ATP2B4: variants seen among roughly 807,000 people sequenced by gnomAD.
ATP2B4 encodes the protein ATPase plasma membrane Ca2+ transporting 4, also known as plasma membrane calcium-transporting ATPase 4.
ATP2B4 carries 39 observed loss-of-function variants against 110.3 expected under a neutral mutation model. The ratio of observed to expected loss-of-function variants is 0.35; its 90% CI spans 0.27 to 0.46. The LOEUF is 0.46. Among genes scored for constraint, ATP2B4 ranks in the 20% least tolerant of loss-of-function variants. The pLI is 1.00. For missense variants in ATP2B4, 1,135 were observed against 1,530.9 expected, an observed-to-expected ratio of 0.74 and a Z score of 4.32; for synonymous variants, 538 against 571.7, an observed-to-expected ratio of 0.94 and a Z score of 0.84.
rs972484322 is a variant in ATP2B4 at position 203,647,084 on chromosome 1, A to G, written c.-465+19865A>G. On this transcript the variant is annotated intron_variant, in intron 1 of 20. Transcript: ENST00000357681. Reference sequence around the variant, plus strand: ...CACAAGTCAGCCCCAAACATAGTCCAGTGGAATCCAATGATAGCAGGCAAC... The same window carrying G: ...CACAAGTCAGCCCCAAACATAGTCCGGTGGAATCCAATGATAGCAGGCAAC... Among the ~76,000 whole-genome samples the G allele has an allele frequency of 3.0e-4, 45 of 151,932 alleles. 1 individual carries two copies. Among genetic ancestry groups the G allele is most frequent in the African/African-American group, 9.7e-4 (40 of 41,338 alleles).
intron 1 of ATP2B4, among the ~76,000 whole-genome samples, chr1:203,668,397 T>G (rs6670568): frequency 0.98 from 148,815 of 152,204 alleles, 72,863 homozygotes; most frequent in Middle Eastern, 1. Flanking sequence ...GACTTTGGTG[T>G]TTTGTTTTGT....
intron 19 of ATP2B4, among the ~76,000 whole-genome samples, 195 bp downstream of exon 19, chr1:203,724,183 G>A (rs931218365): frequency 6.6e-6 from 1 of 152,052 alleles, no homozygotes; most frequent in Non-Finnish European, 1.5e-5. Context: ...TCACTTCAGA[G>A]GTTTCAGAAT....
rs1667010855 is a variant in ATP2B4 at position 203,742,309 on chromosome 1, T to A, written c.*2455T>A. The A allele has an allele frequency of 6.6e-6, 1 of 152,636 alleles. No individual in the cohort carries two copies. 9.5% of individuals were successfully genotyped at this position (152,636 alleles called of 1,614,324 possible). ...TTCTGCAAACAGCCATCTTTATACT[T>A]AGGGAAGAAAAATTGTTGGGTTCTA... On this transcript the variant is annotated 3_prime_UTR_variant, in exon 21 of 21. Coordinates refer to ENST00000357681, the MANE Select transcript of ATP2B4 (RefSeq NM_001684.5).
chr1:203,729,294 C>A (rs931472495), intron 20 of ATP2B4, among the ~76,000 whole-genome samples: 4 of 150,618 alleles, frequency 2.7e-5, no homozygotes, highest in Non-Finnish European at 5.9e-5. Context: ...CGCCTGTAAT[C>A]CCAGCACTTT....
intron 1 of ATP2B4, among the ~76,000 whole-genome samples, chr1:203,665,508 T>C (rs963066017): frequency 6.6e-6 from 1 of 152,116 alleles, no homozygotes; most frequent in African/African-American, 2.4e-5. Context: ...CCTGTCAAGA[T>C]TGTGTAGCCT....
chr1:203,712,217 G>A, intron 13 of ATP2B4, 78 bp downstream of exon 13: 1 of 1,474,574 alleles, frequency 6.8e-7, no homozygotes. Context: ...TCTGGGTCAT[G>A]TGCGGGAAGG....
intron 1 of ATP2B4, among the ~76,000 whole-genome samples, chr1:203,640,542 C>T (rs568980066): frequency 6.6e-6 from 1 of 151,966 alleles, no homozygotes; most frequent in East Asian, 1.9e-4. Context: ...CCAGGCTGGT[C>T]TCAAACTCCT....
intron 1 of ATP2B4, among the ~76,000 whole-genome samples, chr1:203,654,823 G>A (rs912275215): frequency 2.0e-5 from 3 of 151,542 alleles, no homozygotes; most frequent in African/African-American, 7.3e-5. Flanking sequence ...AGAGGTCGAG[G>A]GTGCAGTGAG....
chr1:203,724,083 G>C (rs1374960804), intron 19 of ATP2B4, 95 bp downstream of exon 19: 1 of 1,014,762 alleles, frequency 9.9e-7, no homozygotes, highest in South Asian at 1.8e-5. Context: ...AGACCCCCCA[G>C]CTCCTCATCT....
rs1264238285 is a variant in ATP2B4 at position 203,727,482 on chromosome 1, G to A, written c.3220G>A (p.Glu1074Lys). The A allele has an allele frequency of 8.1e-6, 13 of 1,614,116 alleles. No individual in the cohort carries two copies. Among genetic ancestry groups the A allele is most frequent in the South Asian group, 1.1e-5 (1 of 91,092 alleles). Residue 1074 changes from glutamate to lysine, a missense_variant, in exon 20 of 21, where the codon GAG becomes AAG. Physicochemically the swap from Glu to Lys is moderately conservative, Grantham distance 56. This residue lies in a region of ATP2B4 where 61 missense variants were observed against 123.4 expected (regional missense o/e 0.49). Coordinates refer to ENST00000357681, the MANE Select transcript of ATP2B4 (RefSeq NM_001684.5). ...CAAAGAGGAGATCACCAAGGATGCC[G>A]AGGGACTGGATGAGATTGACCATGC... ...TTKEEITKDA[E>K]GLDEIDHAEM...
In ATP2B4 at chr1:203,743,373, T is replaced by C. The variant is rs946479461; in HGVS notation, c.*3519T>C. 1.3e-5 allele frequency: 2 copies of C among 152,650 alleles called. No homozygotes were observed. Among genetic ancestry groups the C allele is most frequent in the Non-Finnish European group, 2.9e-5 (2 of 68,056 alleles). The allele number at this position is 152,650 out of a possible 1,614,324, so 9.5% of individuals were successfully genotyped here. ...GTGGGCACTTATAAATGCCTGCTAT[T>C]GTTAAGCCATTCCAGCCTCTTCCTC... On this transcript the variant is annotated 3_prime_UTR_variant, in exon 21 of 21. Coordinates refer to ENST00000357681, the MANE Select transcript of ATP2B4 (RefSeq NM_001684.5).
intron 2 of ATP2B4, among the ~76,000 whole-genome samples, chr1:203,697,936 CA>C (rs1381617579): frequency 4.6e-5 from 7 of 152,094 alleles, no homozygotes; most frequent in Non-Finnish European, 5.9e-5. Context: ...AACTCCTAAA[CA>C]TAAGCAATTC....
chr1:203,740,442 T>TTTCC lies in ATP2B4; in HGVS notation c.*590_*591insCCTT. On this transcript the variant is annotated 3_prime_UTR_variant, in exon 21 of 21. Coordinates refer to ENST00000357681, the MANE Select transcript of ATP2B4 (RefSeq NM_001684.5). Reference sequence around the variant, plus strand: ...TGTCTTTTGTCTTCCCTTCCTTTCCTTTTTTTTTTTTTTTTTTATGATGAT... The same window carrying TTTCC: ...TGTCTTTTGTCTTCCCTTCCTTTCCTTTCCTTTTTTTTTTTTTTTTTATGATGAT... The TTTCC allele has an allele frequency of 8.1e-5, 2 of 24,772 alleles. No homozygotes were observed. The highest frequency in any genetic ancestry group is 1.5e-4 in the Non-Finnish European group (2 of 13,318). The allele number at this position is 24,772 out of a possible 1,614,324, so 1.5% of individuals were successfully genotyped here.
intron 1 of ATP2B4, among the ~76,000 whole-genome samples, chr1:203,680,621 A>AAAAAAAAAG (rs1553247036): frequency 6.9e-6 from 1 of 145,158 alleles, no homozygotes; most frequent in Non-Finnish European, 1.5e-5. Flanking sequence ...AAAAAAAAGA[A>AAAAAAAAAG]AAAAAAGATC....
chr1:203,665,845 C>T (rs1664487481), intron 1 of ATP2B4, among the ~76,000 whole-genome samples: 1 of 151,278 alleles, frequency 6.6e-6, no homozygotes, highest in African/African-American at 2.4e-5. Context: ...CAGTGCTCAG[C>T]ACAATATTTT....
intron 1 of ATP2B4, among the ~76,000 whole-genome samples, chr1:203,658,370 A>T (rs1664228493): frequency 8.0e-6 from 1 of 125,654 alleles, no homozygotes; most frequent in Admixed American, 8.1e-5. Flanking sequence ...ATAAAAATTA[A>T]AAAAAAAAAA....
chr1:203,724,061 A>C (rs977157442), intron 19 of ATP2B4, 73 bp downstream of exon 19: 27 of 1,310,684 alleles, frequency 2.1e-5, no homozygotes, highest in Non-Finnish European at 2.6e-5. Context: ...GAGATGGAAC[A>C]AGCAACGGTG....
chr1:203,708,278 A>G (rs917457860), intron 10 of ATP2B4, among the ~76,000 whole-genome samples, 174 bp downstream of exon 10: 2 of 152,178 alleles, frequency 1.3e-5, no homozygotes, highest in East Asian at 3.8e-4. Flanking sequence ...CTGGGAGTCA[A>G]TGGAGGGTTG....
At chr1:203,713,434 A>C (rs563593003) in intron 14 of ATP2B4, among the ~76,000 whole-genome samples, 182 bp downstream of exon 14, 5 of 152,208 alleles carry the variant, frequency 3.3e-5, no homozygotes, top group African/African-American at 1.2e-4. Context: ...TATGACACAC[A>C]ATAAAGTTGT....
Sources: gnomAD v4.1 joint callset for allele counts (sites outside exome capture counted in the v4.1 genomes callset) on GRCh38, gnomAD v4.1.1 for gene constraint, gnomAD v4.1.1 regional missense constraint, MANE v1.5 for transcripts, NCBI Gene and HGNC (gene_info 2026-07-23, HGNC 2026-07-21) for gene names.